Variants in CACNA1H observed in about 807,000 individuals in gnomAD.
The protein encoded by CACNA1H is voltage-dependent T-type calcium channel subunit alpha-1H.
In CACNA1H, 149 loss-of-function variants were observed where a neutral mutation model predicts 192.5. The ratio of observed to expected loss-of-function variants is 0.77; its 90% CI spans 0.68 to 0.89. The LOEUF (loss-of-function observed/expected upper bound fraction) is 0.89. CACNA1H is among the 40% of genes least tolerant of loss of function. The pLI is 0.00. For missense variants in CACNA1H, 4,257 were observed against 3,423.5 expected (o/e 1.24, Z -6.08); for synonymous variants, 2,202 against 1,475.2 (o/e 1.49, Z -11.29).
chr16:1,193,582 C>T (rs1966800996), intron 2 of CACNA1H, among the ~76,000 whole-genome samples: 1 of 152,278 alleles, frequency 6.6e-6, no homozygotes. Flanking sequence ...CAGCGCGTGG[C>T]TGTGCCAGCA....
chr16:1,179,465 T>C lies in CACNA1H; in HGVS notation c.300-15507T>C, dbSNP rs1965247038. Among the ~76,000 whole-genome samples the C allele has an allele frequency of 2.0e-5, 3 of 152,098 alleles. No homozygotes were observed. In the South Asian group the frequency reaches 6.2e-4, roughly 32 times the overall value. On this transcript the variant is annotated intron_variant, in intron 2 of 34. Transcript: ENST00000348261. ...TCCTCCTCATTTATTTATTGATGTG[T>C]GTGTGTGTCGTTGTTGTTGCTGGTG...
At position 1,153,730 on chromosome 16, in the gene CACNA1H, C is replaced by G; in HGVS notation, c.-8C>G. ...CCCTGTCCTCTGCAGGTGCTGCCGGCCGCCACCATGACCGAGGGCGCACGG... is the reference window on the plus strand; with the variant it reads ...CCCTGTCCTCTGCAGGTGCTGCCGGGCGCCACCATGACCGAGGGCGCACGG... On this transcript the variant is annotated 5_prime_UTR_variant, in exon 2 of 35. Coordinates refer to ENST00000348261, the MANE Select transcript of CACNA1H (RefSeq NM_021098.3). 1 of 1,204,958 alleles carries G rather than the reference C, an allele frequency of 8.3e-7. No individual in the cohort carries two copies. The highest frequency in any genetic ancestry group is 3.5e-5 in the East Asian group (1 of 28,182). The allele number at this position is 1,204,958 out of a possible 1,614,324, so 74.6% of individuals were successfully genotyped here.
chr16:1,153,863 G>A lies in CACNA1H; in HGVS notation c.126G>A (p.Arg42=). ...SPGAPGREAE[R]GSELGVSPSE... ...GGGCGCCGGGACGCGAGGCGGAGCG[G>A]GGGTCCGAGCTCGGCGTGTCACCCT... Residue 42 remains arginine, a synonymous_variant, in exon 2 of 35, where the codon CGG becomes CGA. Coordinates refer to ENST00000348261, the MANE Select transcript of CACNA1H (RefSeq NM_021098.3). 1 of 1,373,356 alleles carries A rather than the reference G, an allele frequency of 7.3e-7. No homozygotes were observed. Among genetic ancestry groups the A allele is most frequent in the Non-Finnish European group, 9.4e-7 (1 of 1,061,170 alleles). The allele number at this position is 1,373,356 out of a possible 1,614,324, so 85.1% of individuals were successfully genotyped here.
intron 16 of CACNA1H, among the ~76,000 whole-genome samples, 171 bp downstream of exon 16, chr16:1,208,392 C>T (rs1179362828): frequency 1.3e-5 from 2 of 152,184 alleles, no homozygotes; most frequent in Non-Finnish European, 1.5e-5. Context: ...GAAGCTGTGG[C>T]TGCTGTTGTG....
rs569527268 is a variant in CACNA1H, at chr16:1,210,556, C to G, written c.3970-27C>G. The G allele has an allele frequency of 3.1e-6, 5 of 1,609,878 alleles. No individual in the cohort carries two copies. The South Asian group carries it at 5.5e-5, about 18-fold the overall frequency. On this transcript the variant is annotated intron_variant, in intron 19 of 34. Coordinates refer to ENST00000348261, the MANE Select transcript of CACNA1H (RefSeq NM_021098.3). ...CCCCCAGGGAGGGGTGGAGTGGACA[C>G]AGCCCCCCACCGTCCTCTCCCGGCA...
intron 2 of CACNA1H, among the ~76,000 whole-genome samples, chr16:1,163,479 CAG>C (rs1047124151): frequency 2.6e-5 from 4 of 152,362 alleles, no homozygotes; most frequent in Admixed American, 6.5e-5. Context: ...CGGCCTGCCT[CAG>C]AGGGGAAACC....
rs1226315625 is a variant in CACNA1H at position 1,161,379 on chromosome 16, C to T, written c.299+7343C>T. Among the ~76,000 whole-genome samples, 3 of 152,338 alleles carry T rather than the reference C, an allele frequency of 2.0e-5. No individual in the cohort carries two copies. In the South Asian group the frequency reaches 6.2e-4, roughly 32 times the overall value. ...CACCCCTTCTCCCCTCCCCAGCTGT[C>T]TGCACCTGGGCAGAGCCCCCTGGCC... On this transcript the variant is annotated intron_variant, in intron 2 of 34. Coordinates refer to ENST00000348261, the MANE Select transcript of CACNA1H (RefSeq NM_021098.3).
rs1970457566 is a variant in CACNA1H, at chr16:1,221,190, T to C, written c.*196T>C. On this transcript the variant is annotated 3_prime_UTR_variant, in exon 35 of 35. Coordinates refer to ENST00000348261, the MANE Select transcript of CACNA1H (RefSeq NM_021098.3). Reference sequence around the variant, plus strand: ...AGCTGCCGGGCCCCACGAGCCTCCGTCCGTTCTGGTTCGGGTTTCTCCGAG... The same window carrying C: ...AGCTGCCGGGCCCCACGAGCCTCCGCCCGTTCTGGTTCGGGTTTCTCCGAG... The C allele has an allele frequency of 1.9e-6, 1 of 535,376 alleles. No individual in the cohort carries two copies. The highest frequency in any genetic ancestry group is 2.9e-5 in the East Asian group (1 of 34,036). 33.2% of individuals were successfully genotyped at this position (535,376 alleles called of 1,614,324 possible). A position where few individuals can be genotyped will look rare whatever the true frequency, so the allele number is the denominator to read the frequency against.
chr16:1,208,265 T>C (rs1487360579), intron 16 of CACNA1H, 44 bp downstream of exon 16: 8 of 1,416,254 alleles, frequency 5.6e-6, no homozygotes, highest in Middle Eastern at 2.4e-4. Context: ...CCTTCAGGTT[T>C]TCCCTGCCTG....
intron 2 of CACNA1H, among the ~76,000 whole-genome samples, 157 bp downstream of exon 2, chr16:1,154,193 C>T (rs1338156479): frequency 1.3e-5 from 2 of 151,756 alleles, no homozygotes; most frequent in Admixed American, 6.5e-5. Flanking sequence ...GGCTGGAGGA[C>T]CGCGCTCTAA....
At chr16:1,191,935 C>T (rs2151814078) in intron 2 of CACNA1H, among the ~76,000 whole-genome samples, 1 of 152,394 alleles carries the variant, frequency 6.6e-6, no homozygotes, top group African/African-American at 2.4e-5. Context: ...CGAGCCGTCA[C>T]CTGTGCAGCA....
intron 7 of CACNA1H, 49 bp downstream of exon 7, chr16:1,200,620 CG>C (rs756579097): frequency 1.9e-4 from 302 of 1,598,704 alleles, no homozygotes; most frequent in Non-Finnish European, 2.5e-4. Context: ...GGCAGGGGAG[CG>C]GGTGCAGGAC....
Position 1,218,246 on chromosome 16 carries a change from T to C in CACNA1H, c.5482T>C (p.Cys1828Arg). ...LRECSREDKHCLSYLPALSPV... is the reference protein window; with the variant it reads ...LRECSREDKHRLSYLPALSPV... ...CGAGTGCTCCCGTGAGGACAAGCAC[T>C]GCCTGAGCTACCTGCCGGCCCTGTC... is the stretch of plus-strand genomic sequence containing the variant. The change falls in exon 33 of 35, where the codon TGC becomes CGC. Residue 1828 changes from cysteine (C) to arginine (R), a missense_variant. Coordinates refer to ENST00000348261, the MANE Select transcript of CACNA1H (RefSeq NM_021098.3). 1 of 1,550,646 alleles carries C rather than the reference T, an allele frequency of 6.4e-7. No individual in the cohort carries two copies. The highest frequency in any genetic ancestry group is 8.7e-7 in the Non-Finnish European group (1 of 1,147,194).
intron 2 of CACNA1H, among the ~76,000 whole-genome samples, chr16:1,160,909 C>T (rs890979160): frequency 4.6e-5 from 7 of 152,098 alleles, no homozygotes; most frequent in Admixed American, 1.3e-4. Context: ...CGGCGAGGAC[C>T]GAGGCATCAG....
intron 2 of CACNA1H, among the ~76,000 whole-genome samples, chr16:1,156,195 C>T (rs1962357326): frequency 6.6e-6 from 1 of 152,198 alleles, no homozygotes; most frequent in Non-Finnish European, 1.5e-5. Context: ...GCTCTCCCAG[C>T]TCCAAACGCA....
chr16:1,172,933 TC>T (rs1329783299), intron 2 of CACNA1H, among the ~76,000 whole-genome samples: 6 of 148,866 alleles, frequency 4.0e-5, no homozygotes, highest in Admixed American at 1.3e-4. Flanking sequence ...TTGTTGGTCC[TC>T]GGCAGCTGGC....
At chr16:1,177,925 G>A (rs1277912618) in intron 2 of CACNA1H, among the ~76,000 whole-genome samples, 1 of 151,880 alleles carries the variant, frequency 6.6e-6, no homozygotes, top group Middle Eastern at 3.4e-3. Flanking sequence ...CAAACTCTCC[G>A]TCCCCAGCAG....
intron 2 of CACNA1H, among the ~76,000 whole-genome samples, chr16:1,179,984 C>T (rs1421061110): frequency 6.6e-6 from 1 of 152,208 alleles, no homozygotes. Flanking sequence ...ATCCACCTGC[C>T]TCGGCCTCCA....
rs765011476 is a variant in CACNA1H, at chr16:1,220,293, G to A, written c.6361G>A (p.Glu2121Lys). The A allele has an allele frequency of 1.6e-5, 25 of 1,576,946 alleles. No individual in the cohort carries two copies. In the Admixed American group the frequency reaches 2.1e-4, roughly 13 times the overall value. ...GCCCACAGCCGAGCCCCATGGCCCCGAAGCCTCTCCGGTGGCCGGCGGCGA... is the reference window on the plus strand; with the variant it reads ...GCCCACAGCCGAGCCCCATGGCCCCAAAGCCTCTCCGGTGGCCGGCGGCGA... ...WQPTAEPHGP[E>K]ASPVAGGERD... Residue 2121 changes from glutamate (E) to lysine (K), a missense_variant, in exon 35 of 35, where the codon GAA becomes AAA. Coordinates refer to ENST00000348261, the MANE Select transcript of CACNA1H (RefSeq NM_021098.3).
Sources: allele counts gnomAD v4.1 joint callset (sites outside exome capture counted in the v4.1 genomes callset), GRCh38; gene constraint gnomAD v4.1.1; transcripts MANE v1.5; gene names NCBI Gene and HGNC (gene_info 2026-07-23, HGNC 2026-07-21).